Variants in ITGAM observed in about 807,000 individuals in gnomAD.
ITGAM encodes integrin alpha-M.
In ITGAM, 79 loss-of-function variants were observed where a neutral mutation model predicts 137.5. That is an observed-to-expected ratio of 0.57 (90% CI 0.48 to 0.69). ITGAM has a LOEUF of 0.69. Ranked by LOEUF, ITGAM falls within the 30% of genes least tolerant of loss-of-function variation. The probability of loss-of-function intolerance (pLI) is 0.00; values close to 1 mark genes in which losing one functional copy is unlikely to be tolerated. For missense variants in ITGAM, 1,343 were observed against 1,483.5 expected (o/e 0.91, Z 1.56); for synonymous variants, 583 against 592.3 (o/e 0.98, Z 0.23).
intron 12 of ITGAM, among the ~76,000 whole-genome samples, chr16:31,292,733 A>G (rs988250559): frequency 2.0e-5 from 3 of 152,102 alleles, no homozygotes; most frequent in African/African-American, 7.2e-5. Flanking sequence ...ATTCATGTGC[A>G]TGTGTCTTTA....
rs768716751 is a variant in ITGAM, at chr16:31,325,600, C to A, written c.2606C>A (p.Pro869His). ...LKSTSCSINH[P>H]IFPENSEVTF... ...AGCACCAGCTGCAGCATAAACCACC[C>A]CATCTTCCCGGAAAACTCAGAGGTC... Residue 869 changes from proline (P) to histidine (H), a missense_variant, in exon 21 of 30, where the codon CCC (proline) becomes CAC (histidine). Transcript: ENST00000544665. 2 of 1,613,738 alleles carry A rather than the reference C, an allele frequency of 1.2e-6. No homozygotes were observed. Among genetic ancestry groups the A allele is most frequent in the Non-Finnish European group, 1.7e-6 (2 of 1,179,846 alleles).
At chr16:31,277,610 G>A (rs555236442) in intron 11 of ITGAM, among the ~76,000 whole-genome samples, 11 of 151,952 alleles carry the variant, frequency 7.2e-5, no homozygotes, top group African/African-American at 2.7e-4. Context: ...CACCTGCCTC[G>A]GCCTCCCAAA....
chr16:31,275,013 T>C (rs562256370), intron 8 of ITGAM, among the ~76,000 whole-genome samples: 131 of 152,278 alleles, frequency 8.6e-4, no homozygotes, highest in Non-Finnish European at 6.0e-4. Flanking sequence ...GAGTCAGTTA[T>C]GTCAAGGGTG....
chr16:31,329,176 C>A, intron 23 of ITGAM, 52 bp from the exon 24 acceptor site: 2 of 1,268,072 alleles, frequency 1.6e-6, no homozygotes, highest in East Asian at 2.3e-5. Flanking sequence ...AGACACCCTC[C>A]CAGGGCACCC....
At chr16:31,311,889 T>C (rs2080336239) in intron 14 of ITGAM, among the ~76,000 whole-genome samples, 1 of 152,008 alleles carries the variant, frequency 6.6e-6, no homozygotes. Context: ...CCAACCCAAA[T>C]GTTCAACAAT....
chr16:31,314,925 G>A (rs1236819526), intron 14 of ITGAM, among the ~76,000 whole-genome samples: 2 of 148,978 alleles, frequency 1.3e-5, no homozygotes, highest in African/African-American at 2.5e-5. Flanking sequence ...TGATTCTCCT[G>A]CCTCAGCCTC....
chr16:31,270,882 G>A, intron 5 of ITGAM, 72 bp from the exon 6 acceptor site: 1 of 1,071,000 alleles, frequency 9.3e-7, no homozygotes, highest in South Asian at 2.8e-5. Context: ...TTCAGCAGAG[G>A]GCTGACATGC....
intron 23 of ITGAM, 148 bp from the exon 24 acceptor site, chr16:31,329,080 T>TC: frequency 2.5e-4 from 26 of 104,434 alleles, no homozygotes; most frequent in Non-Finnish European, 3.1e-4. Context: ...GGTTCCCCCA[T>TC]CCCCCTGCAC....
chr16:31,303,675 C>G (rs1036274293), intron 14 of ITGAM, among the ~76,000 whole-genome samples: 1 of 152,152 alleles, frequency 6.6e-6, no homozygotes, highest in Non-Finnish European at 1.5e-5. Context: ...TATAGTTTAG[C>G]TCCCACTTAT....
chr16:31,260,844 C>T (rs1405452814), intron 1 of ITGAM, among the ~76,000 whole-genome samples: 1 of 152,172 alleles, frequency 6.6e-6, no homozygotes, highest in African/African-American at 2.4e-5. Context: ...AAGATGAACA[C>T]TGATAATCGA....
chr16:31,268,738 C>A (rs1421379577), intron 5 of ITGAM, among the ~76,000 whole-genome samples: 1 of 152,198 alleles, frequency 6.6e-6, no homozygotes, highest in Admixed American at 6.5e-5. Context: ...TTGCTTGATG[C>A]CACCGCTGTG....
rs539771028 is a variant in ITGAM, at chr16:31,267,331, A to G, written c.427+1184A>G. Reference sequence around the variant, plus strand: ...TTTCTTTCTCAAGCCCTGTTCCTCTATATTTCACCCTCCACAGTTAATCCT... The same window carrying G: ...TTTCTTTCTCAAGCCCTGTTCCTCTGTATTTCACCCTCCACAGTTAATCCT... On this transcript the variant is annotated intron_variant, in intron 5 of 29. Transcript: ENST00000544665. Among the ~76,000 whole-genome samples the G allele has an allele frequency of 8.6e-5, 13 of 151,938 alleles. No homozygotes were observed. The South Asian group carries it at 2.1e-3, about 24-fold the overall frequency.
At chr16:31,329,496 G>A (rs992467364) in intron 24 of ITGAM, among the ~76,000 whole-genome samples, 193 bp downstream of exon 24, 14 of 152,136 alleles carry the variant, frequency 9.2e-5, no homozygotes, top group Non-Finnish European at 2.1e-4. Context: ...TAGTTATCTT[G>A]TATTACCTTC....
At chr16:31,271,139 G>A in intron 6 of ITGAM, 55 bp downstream of exon 6, 2 of 1,372,602 alleles carry the variant, frequency 1.5e-6, no homozygotes, top group Non-Finnish European at 1.9e-6. Flanking sequence ...GAAGATACAT[G>A]GCAACCGGGC....
chr16:31,297,176 A>G (rs1418233748), intron 12 of ITGAM, among the ~76,000 whole-genome samples: 1 of 152,054 alleles, frequency 6.6e-6, no homozygotes, highest in South Asian at 2.1e-4. Flanking sequence ...AAAAATATAT[A>G]TATACACTTA....
chr16:31,326,206 C>T (rs1191331482), intron 21 of ITGAM, among the ~76,000 whole-genome samples: 2 of 152,152 alleles, frequency 1.3e-5, no homozygotes, highest in African/African-American at 4.8e-5. Context: ...TTCCCGTTGG[C>T]CCTCAGCCCC....
intron 14 of ITGAM, among the ~76,000 whole-genome samples, chr16:31,317,386 T>C (rs1263748984): frequency 6.6e-6 from 1 of 152,186 alleles, no homozygotes; most frequent in East Asian, 1.9e-4. Context: ...ATGGTATTTG[T>C]AGATGGGACC....
At chr16:31,269,657 AAGGGAGCCATC>A (rs2079807058) in intron 5 of ITGAM, among the ~76,000 whole-genome samples, 1 of 152,204 alleles carries the variant, frequency 6.6e-6, no homozygotes, top group African/African-American at 2.4e-5. Flanking sequence ...TGACAGGCCT[AAGGGAGCCATC>A]AGGGACTTTC....
intron 12 of ITGAM, among the ~76,000 whole-genome samples, chr16:31,293,370 A>C (rs1485768088): frequency 6.6e-6 from 1 of 151,940 alleles, no homozygotes; most frequent in Non-Finnish European, 1.5e-5. Flanking sequence ...GGGTTCTTAT[A>C]GTTTTGGGTT....
Sources: allele counts gnomAD v4.1 joint callset (sites outside exome capture counted in the v4.1 genomes callset), GRCh38; gene constraint gnomAD v4.1.1; transcripts MANE v1.5; gene names NCBI Gene and HGNC (gene_info 2026-07-23, HGNC 2026-07-21).